Variants in CFAP157 observed in about 807,000 individuals in gnomAD.
CFAP157 encodes cilia and flagella associated protein 157.
In CFAP157, 43 loss-of-function variants were observed where a neutral mutation model predicts 57.8. That is an observed-to-expected ratio of 0.74 (90% CI 0.58 to 0.96). The LOEUF (loss-of-function observed/expected upper bound fraction) is 0.96. Among genes scored for constraint, CFAP157 ranks in the 40% least tolerant of loss-of-function variants. The pLI is 0.00. For missense variants in CFAP157, 606 were observed against 655.3 expected, an observed-to-expected ratio of 0.92 and a Z score of 0.82; for synonymous variants, 267 against 269.0, an observed-to-expected ratio of 0.99 and a Z score of 0.07.
rs1442226325 is a variant in CFAP157 at position 127,710,666 on chromosome 9, T to C, written c.499T>C (p.Leu167=). ...QKEEVTDKFT[L]LEEQVRKQEN... ...AGAGGAGGTCACGGACAAGTTCACA[T>C]TGCTGGAGGAGCAGGTGCGGAAGCA... The change falls in exon 3 of 9, where the codon TTG becomes CTG. Residue 167 remains leucine (L), a synonymous_variant. Transcript: ENST00000373295. The C allele has an allele frequency of 4.8e-5, 76 of 1,584,976 alleles. No homozygotes were observed. The highest frequency in any genetic ancestry group is 6.5e-5 in the Non-Finnish European group (76 of 1,165,246).
At position 127,711,507 on chromosome 9, in the gene CFAP157, A is replaced by AGGCCTCAGCACAGGGCATTT; in HGVS notation, c.855+15_855+34dup. 6.2e-7 allele frequency: 1 copy of AGGCCTCAGCACAGGGCATTT among 1,611,276 alleles called. No individual in the cohort carries two copies. The highest frequency in any genetic ancestry group is 8.5e-7 in the Non-Finnish European group (1 of 1,179,056). The stretch of plus-strand genomic sequence containing the variant: ...AGAGGCCACCAGAAGGTGTGCCTGC[A>AGGCCTCAGCACAGGGCATTT]GGCCTCAGCACAGGGCATTTGGCAT... On this transcript the variant is annotated intron_variant, in intron 4 of 8. Transcript: ENST00000373295.
chr9:127,713,882 GA>G lies in CFAP157; in HGVS notation c.1542del (p.Val515PhefsTer168). ...AAGGCTTGAAAAGTTTAGTCTTCCT[GA>G]AGTTCCCCTACGTCCCAAGTAGGAC... is the stretch of plus-strand genomic sequence containing the variant. ...LKRLEKFSLPEVPLRPK is the reference protein window; with the variant it reads ...LKRLEKFSLPXVPLRPK On this transcript the variant is annotated frameshift_variant, in exon 9 of 9. Transcript: ENST00000373295. LOFTEE classifies it high-confidence loss of function. 1.2e-6 allele frequency: 2 copies of G among 1,613,960 alleles called. No individual in the cohort carries two copies. Among genetic ancestry groups the G allele is most frequent in the Non-Finnish European group, 1.7e-6 (2 of 1,180,004 alleles).
At position 127,710,766 on chromosome 9, in the gene CFAP157, G is replaced by A; in HGVS notation, c.587+12G>A. ...CTGGACAAGGACAGGTGGGCAAGCGGGGCACCCTTTGGGGCCTTTGGAGGC... is the reference window on the plus strand; with the variant it reads ...CTGGACAAGGACAGGTGGGCAAGCGAGGCACCCTTTGGGGCCTTTGGAGGC... On this transcript the variant is annotated intron_variant, in intron 3 of 8. Coordinates refer to ENST00000373295, the MANE Select transcript of CFAP157 (RefSeq NM_001012502.3). 1 of 1,558,662 alleles carries A rather than the reference G, an allele frequency of 6.4e-7. No homozygotes were observed. Among genetic ancestry groups the A allele is most frequent in the South Asian group, 1.2e-5 (1 of 84,524 alleles).
rs1181061170 is a variant in CFAP157, at chr9:127,709,500, GA to G, written c.242del (p.Lys81ArgfsTer30). 1.1e-5 allele frequency: 18 copies of G among 1,613,958 alleles called. No homozygotes were observed. The highest frequency in any genetic ancestry group is 1.5e-5 in the Non-Finnish European group (18 of 1,180,034). Reference protein sequence around the residue: ...QEFEQLANNKKEIVAFLKRTL... With the variant: ...QEFEQLANNKXEIVAFLKRTL... Reference sequence around the variant, plus strand: ...AGTTTGAGCAGCTGGCCAATAACAAGAAGGAGATTGTGGCCTTCCTCAAGCG... The same window carrying G: ...AGTTTGAGCAGCTGGCCAATAACAAGAGGAGATTGTGGCCTTCCTCAAGCG... On this transcript the variant is annotated frameshift_variant, in exon 2 of 9. Coordinates refer to ENST00000373295, the MANE Select transcript of CFAP157 (RefSeq NM_001012502.3). LOFTEE classifies it high-confidence loss of function. This position sits in a 1 kb window ranked among gnomAD's most constrained non-coding sequence, Gnocchi z 4.7.
Position 127,715,423 on chromosome 9 carries a change from C to G in CFAP157, c.*1518C>G, listed in dbSNP as rs1323361232. 2 of 1,419,226 alleles carry G rather than the reference C, an allele frequency of 1.4e-6. No homozygotes were observed. The highest frequency in any genetic ancestry group is 9.7e-7 in the Non-Finnish European group (1 of 1,029,178). 87.9% of individuals were successfully genotyped at this position (1,419,226 alleles called of 1,614,324 possible). ...TTCAAGAAGTTTGGAGCCCGTCGAG[C>G]ACTGAACTCACCAGTTAAGAAAACA... On this transcript the variant is annotated 3_prime_UTR_variant, in exon 9 of 9. Transcript: ENST00000373295. This position sits in a 1 kb window ranked among gnomAD's most constrained non-coding sequence, Gnocchi z 5.8.
rs370600743 is a variant in CFAP157, at chr9:127,707,738, C to T, written c.161+546C>T. Reference sequence around the variant, plus strand: ...TGTGACATAGTGCTGGGGGGAGATCCTCTAACTCTTCATTCAGAGCCATGT... The same window carrying T: ...TGTGACATAGTGCTGGGGGGAGATCTTCTAACTCTTCATTCAGAGCCATGT... On this transcript the variant is annotated intron_variant, in intron 1 of 8. Transcript: ENST00000373295. Among the ~76,000 whole-genome samples the T allele has an allele frequency of 1.6e-4, 25 of 152,194 alleles. No homozygotes were observed. The East Asian group carries it at 1.7e-3, about 11-fold the overall frequency.
intron 4 of CFAP157, 136 bp downstream of exon 4, chr9:127,711,632 G>A: frequency 8.2e-7 from 1 of 1,214,772 alleles, no homozygotes; most frequent in Non-Finnish European, 1.1e-6. Flanking sequence ...GGCCTCCTGT[G>A]GGGGCTGCAG....
At chr9:127,713,719 C>G (rs1381434990) in intron 8 of CFAP157, 115 bp from the exon 9 acceptor site, 1 of 790,012 alleles carries the variant, frequency 1.3e-6, no homozygotes, top group Non-Finnish European at 2.2e-6. Flanking sequence ...GTTGGCCAGG[C>G]TGGTCTCGAA....
rs768312769 is a variant in CFAP157, at chr9:127,713,239, G to A, written c.1491+33G>A. 3 of 1,473,800 alleles carry A rather than the reference G, an allele frequency of 2.0e-6. No individual in the cohort carries two copies. The African/African-American group carries it at 4.2e-5, about 21-fold the overall frequency. The allele number at this position is 1,473,800 out of a possible 1,614,324, so 91.3% of individuals were successfully genotyped here. A position where few individuals can be genotyped will look rare whatever the true frequency, so the allele number is the denominator to read the frequency against. ...TGCCAGGGGCCCCAGGGAAAGCAAG[G>A]TGGCAGCTAGTCCTGGGTACAAACT... On this transcript the variant is annotated intron_variant, in intron 8 of 8. Transcript: ENST00000373295.
chr9:127,713,424 C>T, intron 8 of CFAP157: 1 of 454,066 alleles, frequency 2.2e-6, no homozygotes. Context: ...GGACCCTGTT[C>T]TTCCCTCCCC....
At chr9:127,707,441 C>T (rs976203795) in intron 1 of CFAP157, among the ~76,000 whole-genome samples, 3 of 152,136 alleles carry the variant, frequency 2.0e-5, no homozygotes, top group Non-Finnish European at 4.4e-5. Flanking sequence ...TAGCTCGTGG[C>T]CCCACCCCAG....
chr9:127,707,903 GCTA>G (rs1842683074), intron 1 of CFAP157, among the ~76,000 whole-genome samples: 1 of 152,220 alleles, frequency 6.6e-6, no homozygotes, highest in Admixed American at 6.5e-5. Flanking sequence ...GGTGACCACA[GCTA>G]ATGCTGAGTC....
At position 127,713,072 on chromosome 9, in the gene CFAP157, G is replaced by A. The variant is rs984895158; in HGVS notation, c.1357G>A (p.Asp453Asn). 5.0e-6 allele frequency: 8 copies of A among 1,613,822 alleles called. No homozygotes were observed. In the African/African-American group the frequency reaches 5.3e-5, roughly 11 times the overall value. Residue 453 changes from aspartate (D) to asparagine (N), a missense_variant, in exon 8 of 9, where the codon GAC becomes AAC. Transcript: ENST00000373295. ...TGGGTCTCTGCTGCCGCAGCTCTCT[G>A]ACATCACCCCCTACCAGCCGGGGGA... ...RTGSLLPQLS[D>N]ITPYQPGDLG... is the part of the protein sequence containing the mutation.
chr9:127,707,341 C>T (rs1044255329), intron 1 of CFAP157, 149 bp downstream of exon 1: 1 of 777,580 alleles, frequency 1.3e-6, no homozygotes, highest in Admixed American at 2.9e-5. Flanking sequence ...AGCCTCATTT[C>T]CTCATACGTA....
At position 127,709,669 on chromosome 9, in the gene CFAP157, C is replaced by T; in HGVS notation, c.409C>T (p.Leu137Phe). The T allele has an allele frequency of 6.2e-7, 1 of 1,613,680 alleles. No individual in the cohort carries two copies. ...RHEFQETKDQ[L>F]TTENIILGGK... ...CGAGTTCCAGGAGACCAAGGACCAG[C>T]TCACCACGGAGAACATCATCCTTGG... Residue 137 changes from leucine (L) to phenylalanine (F), a missense_variant, in exon 2 of 9, where the codon CTC (leucine) becomes TTC (phenylalanine). Leu to Phe is a conservative substitution (Grantham distance 22, BLOSUM62 0). Transcript: ENST00000373295. This position sits in a 1 kb window ranked among gnomAD's most constrained non-coding sequence, Gnocchi z 4.7.
chr9:127,714,862 G>A lies in CFAP157; in HGVS notation c.*957G>A, dbSNP rs2131599490. ...GCCATGCAGCAACTGGAGCTCAACAGGTACTTGGAGGTGAACCCGCGGATC... is the reference window on the plus strand; with the variant it reads ...GCCATGCAGCAACTGGAGCTCAACAAGTACTTGGAGGTGAACCCGCGGATC... On this transcript the variant is annotated 3_prime_UTR_variant, in exon 9 of 9. Transcript: ENST00000373295. The A allele has an allele frequency of 1.1e-5, 12 of 1,047,164 alleles. 1 individual carries two copies. The South Asian group carries it at 1.4e-4, about 12-fold the overall frequency. 64.9% of individuals were successfully genotyped at this position (1,047,164 alleles called of 1,614,324 possible). A position where few individuals can be genotyped will look rare whatever the true frequency, so the allele number is the denominator to read the frequency against.
rs1401768623 is a variant in CFAP157, at chr9:127,710,773, C to A, written c.587+19C>A. ...AGGACAGGTGGGCAAGCGGGGCACC[C>A]TTTGGGGCCTTTGGAGGCTTCATCC... On this transcript the variant is annotated intron_variant, in intron 3 of 8. Transcript: ENST00000373295. 1.3e-6 allele frequency: 2 copies of A among 1,554,110 alleles called. No homozygotes were observed. Among genetic ancestry groups the A allele is most frequent in the South Asian group, 2.4e-5 (2 of 84,200 alleles).
Position 127,714,734 on chromosome 9 carries a change from T to A in CFAP157, c.*829T>A, listed in dbSNP as rs779499897. On this transcript the variant is annotated 3_prime_UTR_variant, in exon 9 of 9. Transcript: ENST00000373295. ...ACAGGGAAACGGCAGCCCTGGTTAC[T>A]GCCCATCTGCCCAGAGAGGCACTGT... 1 of 1,543,662 alleles carries A rather than the reference T, an allele frequency of 6.5e-7. No individual in the cohort carries two copies. Among genetic ancestry groups the A allele is most frequent in the Non-Finnish European group, 8.9e-7 (1 of 1,127,522 alleles).
chr9:127,714,613 C>G lies in CFAP157; in HGVS notation c.*708C>G. On this transcript the variant is annotated 3_prime_UTR_variant, in exon 9 of 9. Coordinates refer to ENST00000373295, the MANE Select transcript of CFAP157 (RefSeq NM_001012502.3). ...ATCTCAGGACCTCACCTGGCACTGCCCCCCAGCTTCAGAGCCAGTCTCCCC... is the reference window on the plus strand; with the variant it reads ...ATCTCAGGACCTCACCTGGCACTGCGCCCCAGCTTCAGAGCCAGTCTCCCC... 1 of 1,613,804 alleles carries G rather than the reference C, an allele frequency of 6.2e-7. No individual in the cohort carries two copies. The highest frequency in any genetic ancestry group is 8.5e-7 in the Non-Finnish European group (1 of 1,179,772).
Sources: allele counts gnomAD v4.1 joint callset (sites outside exome capture counted in the v4.1 genomes callset), GRCh38; gene constraint gnomAD v4.1.1; non-coding constraint Gnocchi (gnomAD v3.1); transcripts MANE v1.5; gene names NCBI Gene and HGNC (gene_info 2026-07-23, HGNC 2026-07-21).